PCDH11Y: variants seen among roughly 807,000 people sequenced by gnomAD.
The protein encoded by PCDH11Y is protocadherin-11 Y-linked.
For synonymous variants in PCDH11Y, 9 were observed against 83.6 expected, an observed-to-expected ratio of 0.11 and a Z score of 4.87; for missense variants, 12 against 224.8, an observed-to-expected ratio of 0.05 and a Z score of 6.05.
chrY:5,526,653 A>G (rs2124691001), intron 3 of PCDH11Y, among the ~76,000 whole-genome samples: 1 of 20,900 alleles, frequency 4.8e-5, no homozygotes, highest in Admixed American at 5.3e-4. Context: ...TGATGCACAT[A>G]TATTTCTCAA....
At chrY:5,067,761 A>C (rs1602855430) in intron 1 of PCDH11Y, among the ~76,000 whole-genome samples, 9 of 32,192 alleles carry the variant, frequency 2.8e-4, no homozygotes, top group Non-Finnish European at 3.8e-4. Context: ...GCCTGTAATC[A>C]CAGCACTTTC....
intron 2 of PCDH11Y, among the ~76,000 whole-genome samples, chrY:5,245,333 G>A: frequency 2.2e-4 from 7 of 32,222 alleles, no homozygotes; most frequent in Non-Finnish European, 3.8e-4. Context: ...GTCAGACACC[G>A]TATTCAGGAG....
intron 4 of PCDH11Y, among the ~76,000 whole-genome samples, chrY:5,619,166 T>C: frequency 3.0e-5 from 1 of 32,851 alleles, no homozygotes; most frequent in Non-Finnish European, 7.5e-5. Context: ...ATTTTTTTTT[T>C]CAATTCCAAA....
chrY:5,057,011 G>A, exon 1 of PCDH11Y: 1 of 398,180 alleles, frequency 2.5e-6, no homozygotes. Context: ...TACACCATCC[G>A]AGAAGAAATT....
intron 2 of PCDH11Y, among the ~76,000 whole-genome samples, chrY:5,298,257 G>A: frequency 5.9e-5 from 2 of 33,734 alleles, no homozygotes; most frequent in Non-Finnish European, 1.5e-4. Context: ...CAGATGAATA[G>A]GTAACTGATG....
chrY:5,603,592 C>G, intron 4 of PCDH11Y, among the ~76,000 whole-genome samples: 1 of 31,353 alleles, frequency 3.2e-5, no homozygotes, highest in Non-Finnish European at 7.6e-5. Flanking sequence ...TTATGCGCAT[C>G]TAGGAAATAA....
At chrY:5,115,880 A>G (rs1230608781) in intron 2 of PCDH11Y, among the ~76,000 whole-genome samples, 1 of 29,119 alleles carries the variant, frequency 3.4e-5, no homozygotes, top group African/African-American at 1.4e-4. Flanking sequence ...AGCTGGGACT[A>G]CAGGCGCCCG....
chrY:5,551,245 A>C, intron 3 of PCDH11Y, among the ~76,000 whole-genome samples: 1 of 33,197 alleles, frequency 3.0e-5, no homozygotes, highest in African/African-American at 1.2e-4. Flanking sequence ...ATTGAGAGTC[A>C]TATATTCCAT....
intron 2 of PCDH11Y, among the ~76,000 whole-genome samples, chrY:5,417,065 T>C: frequency 3.2e-5 from 1 of 30,832 alleles, no homozygotes; most frequent in South Asian, 7.5e-4. Context: ...GAAATTCAAC[T>C]AAGCTAAGCC....
chrY:5,231,772 C>G, intron 2 of PCDH11Y, among the ~76,000 whole-genome samples: 1 of 33,386 alleles, frequency 3.0e-5, no homozygotes, highest in African/African-American at 1.2e-4. Flanking sequence ...TCCAGAAGAA[C>G]TGTTTGGTAG....
chrY:5,707,040 A>G, intron 4 of PCDH11Y, among the ~76,000 whole-genome samples: 1 of 30,012 alleles, frequency 3.3e-5, no homozygotes, highest in Non-Finnish European at 8.0e-5. Flanking sequence ...ACTGTGTGAG[A>G]GGCTAATATA....
At chrY:5,015,510 C>A in intron 1 of PCDH11Y, among the ~76,000 whole-genome samples, 1 of 33,102 alleles carries the variant, frequency 3.0e-5, no homozygotes, top group South Asian at 6.8e-4. Context: ...GAAAAAAATA[C>A]AAATTGTGAT....
intron 2 of PCDH11Y, among the ~76,000 whole-genome samples, chrY:5,264,455 T>G: frequency 5.9e-5 from 2 of 34,008 alleles, no homozygotes; most frequent in Non-Finnish European, 1.5e-4. Context: ...TGGTTATCAC[T>G]GATGGTTACT....
At chrY:5,399,431 T>C in intron 2 of PCDH11Y, among the ~76,000 whole-genome samples, 1 of 30,283 alleles carries the variant, frequency 3.3e-5, no homozygotes, top group Non-Finnish European at 7.9e-5. Context: ...GCAGACGTGC[T>C]GGCAAAATCT....
At chrY:5,132,086 C>G in intron 2 of PCDH11Y, among the ~76,000 whole-genome samples, 1 of 33,056 alleles carries the variant, frequency 3.0e-5, no homozygotes, top group African/African-American at 1.2e-4. Flanking sequence ...GTCTCCATAA[C>G]TTTAGATTCC....
intron 4 of PCDH11Y, among the ~76,000 whole-genome samples, chrY:5,660,804 C>T: frequency 3.0e-5 from 1 of 33,410 alleles, no homozygotes; most frequent in African/African-American, 1.2e-4. Context: ...GGTGTTCCAG[C>T]GCAGGGGACA....
intron 3 of PCDH11Y, among the ~76,000 whole-genome samples, chrY:5,580,270 AT>A: frequency 3.2e-5 from 1 of 31,508 alleles, no homozygotes; most frequent in East Asian, 8.3e-4. Flanking sequence ...TACATTACTT[AT>A]TTTTTTGACC....
chrY:5,336,115 T>C, intron 2 of PCDH11Y, among the ~76,000 whole-genome samples: 1 of 33,041 alleles, frequency 3.0e-5, no homozygotes, highest in Non-Finnish European at 7.4e-5. Context: ...CATCACTAAG[T>C]TGAAAGAGCT....
At chrY:5,034,606 G>A in intron 3 of PCDH11Y, among the ~76,000 whole-genome samples, 1 of 32,620 alleles carries the variant, frequency 3.1e-5, no homozygotes, top group Non-Finnish European at 7.5e-5. Flanking sequence ...TTTAAGGAGT[G>A]GAAGAAAAAT....
Sources: allele counts gnomAD v4.1 joint callset (sites outside exome capture counted in the v4.1 genomes callset), GRCh38; gene constraint gnomAD v4.1.1; transcripts MANE v1.5; gene names NCBI Gene and HGNC (gene_info 2026-07-23, HGNC 2026-07-21).